Variants in SORCS1 observed in about 807,000 individuals in gnomAD.
The protein encoded by SORCS1 is VPS10 domain-containing receptor SorCS1.
Under a neutral mutation model 146.1 loss-of-function variants are expected in SORCS1, and 60 were observed. The observed-to-expected ratio is 0.41, with a 90% CI of 0.33 to 0.51. SORCS1 has a LOEUF of 0.51. SORCS1 is among the 20% of genes least tolerant of loss of function. The pLI, the probability that SORCS1 is intolerant of heterozygous loss-of-function variation, is 0.21. For synonymous variants in SORCS1, 637 were observed against 584.0 expected (o/e 1.09, Z -1.31); for missense variants, 1,352 against 1,487.6 (o/e 0.91, Z 1.50).
At chr10:106,893,980 A>G (rs1446635300) in intron 2 of SORCS1, among the ~76,000 whole-genome samples, 1 of 152,206 alleles carries the variant, frequency 6.6e-6, no homozygotes, top group African/African-American at 2.4e-5. Flanking sequence ...ACTTTCAACT[A>G]CTTACTACAG....
intron 1 of SORCS1, among the ~76,000 whole-genome samples, chr10:107,106,469 A>G (rs73385416): frequency 0.034 from 5,196 of 152,202 alleles, 318 homozygotes; most frequent in African/African-American, 0.12. Flanking sequence ...TTCTGCATTT[A>G]TTTATCTCCT....
At chr10:106,668,093 C>T (rs1461780888) in intron 16 of SORCS1, among the ~76,000 whole-genome samples, 1 of 152,144 alleles carries the variant, frequency 6.6e-6, no homozygotes. Flanking sequence ...TAGAACGATA[C>T]ACAATACAGG....
intron 1 of SORCS1, among the ~76,000 whole-genome samples, chr10:107,052,831 G>C (rs1960251953): frequency 6.6e-6 from 1 of 151,924 alleles, no homozygotes; most frequent in African/African-American, 2.4e-5. Context: ...TAGAACATTA[G>C]TGATAGAAAA....
At chr10:106,884,365 CTTTTGT>C (rs1950917996) in intron 2 of SORCS1, among the ~76,000 whole-genome samples, 1 of 152,108 alleles carries the variant, frequency 6.6e-6, no homozygotes, top group Non-Finnish European at 1.5e-5. Flanking sequence ...CAAAGATTGT[CTTTTGT>C]CTTATATTCT....
At chr10:106,800,031 A>G (rs1195500971) in intron 3 of SORCS1, among the ~76,000 whole-genome samples, 4 of 152,170 alleles carry the variant, frequency 2.6e-5, no homozygotes, top group Non-Finnish European at 5.9e-5. Flanking sequence ...ATTTGGTTAT[A>G]GAGATCAAGC....
intron 2 of SORCS1, among the ~76,000 whole-genome samples, chr10:106,855,728 T>G (rs1423044244): frequency 6.6e-6 from 1 of 152,218 alleles, no homozygotes; most frequent in Non-Finnish European, 1.5e-5. Flanking sequence ...TCTTGATCTT[T>G]TCTTAGAATT....
At chr10:106,850,067 G>C (rs933427439) in intron 2 of SORCS1, among the ~76,000 whole-genome samples, 15 of 152,108 alleles carry the variant, frequency 9.9e-5, no homozygotes, top group African/African-American at 3.6e-4. Context: ...CCCAGAGGTG[G>C]AGTGTACAGA....
intron 1 of SORCS1, among the ~76,000 whole-genome samples, chr10:106,966,283 C>T (rs1053569683): frequency 6.6e-5 from 10 of 152,138 alleles, no homozygotes; most frequent in Non-Finnish European, 1.3e-4. Flanking sequence ...ACACCACACA[C>T]ACTCACACAC....
At chr10:106,976,500 T>G (rs1956028165) in intron 1 of SORCS1, among the ~76,000 whole-genome samples, 1 of 151,744 alleles carries the variant, frequency 6.6e-6, no homozygotes, top group African/African-American at 2.4e-5. Flanking sequence ...CCCGGCTAAT[T>G]TTTTGTATTT....
At position 106,677,413 on chromosome 10, in the gene SORCS1, G is replaced by T. The variant is rs1460031922; in HGVS notation, c.1741-9C>A. On this transcript the variant is annotated splice_polypyrimidine_tract_variant and intron_variant, in intron 12 of 25. Coordinates refer to ENST00000263054, the MANE Select transcript of SORCS1 (RefSeq NM_052918.5). ...TGCTCTTCTTCAAAGATCTGGATGA[G>T]GAAAACACATACATGGACACACATC... The T allele has an allele frequency of 6.2e-7, 1 of 1,612,500 alleles. No individual in the cohort carries two copies. Among genetic ancestry groups the T allele is most frequent in the African/African-American group, 1.3e-5 (1 of 74,864 alleles).
chr10:106,987,992 GT>G (rs1956561140), intron 1 of SORCS1, among the ~76,000 whole-genome samples: 1 of 152,104 alleles, frequency 6.6e-6, no homozygotes, highest in South Asian at 2.1e-4. Flanking sequence ...TACTGACCCT[GT>G]TATAGTAAAG....
At chr10:106,878,075 A>T (rs1950660217) in intron 2 of SORCS1, among the ~76,000 whole-genome samples, 1 of 152,060 alleles carries the variant, frequency 6.6e-6, no homozygotes, top group African/African-American at 2.4e-5. Context: ...TCCCCATGGT[A>T]TAAATGGCCA....
At chr10:106,646,179 C>T (rs985085597) in intron 18 of SORCS1, among the ~76,000 whole-genome samples, 6 of 151,882 alleles carry the variant, frequency 4.0e-5, no homozygotes, top group East Asian at 1.9e-4. Flanking sequence ...GCAGGAGAAT[C>T]GCTTAAACCT....
At chr10:106,706,744 T>A in intron 7 of SORCS1, 110 bp from the exon 8 acceptor site, 1 of 926,106 alleles carries the variant, frequency 1.1e-6, no homozygotes, top group Non-Finnish European at 1.7e-6. Context: ...CAAATGGCAT[T>A]AATGTCTATT....
chr10:107,132,302 C>T (rs1565085792), intron 1 of SORCS1, among the ~76,000 whole-genome samples: 4 of 152,166 alleles, frequency 2.6e-5, no homozygotes, highest in Admixed American at 2.6e-4. Context: ...CCTATCCAAA[C>T]CCACCTATTC....
chr10:106,705,842 A>G (rs1022313999), intron 8 of SORCS1, among the ~76,000 whole-genome samples: 2 of 152,166 alleles, frequency 1.3e-5, no homozygotes, highest in African/African-American at 2.4e-5. Context: ...AGGGTCTTTA[A>G]CTTTTGTTTG....
chr10:106,728,623 A>G (rs1001386332), intron 6 of SORCS1, among the ~76,000 whole-genome samples: 2 of 152,210 alleles, frequency 1.3e-5, no homozygotes, highest in Non-Finnish European at 2.9e-5. Context: ...CATGCATAGT[A>G]ATGAAAAATG....
intron 2 of SORCS1, among the ~76,000 whole-genome samples, chr10:106,875,608 T>C (rs941262022): frequency 1.3e-5 from 2 of 152,174 alleles, no homozygotes; most frequent in Non-Finnish European, 2.9e-5. Flanking sequence ...CCTTTCACCA[T>C]ATTCATACTA....
chr10:106,808,572 G>A (rs1360663433), intron 3 of SORCS1, among the ~76,000 whole-genome samples: 3 of 151,830 alleles, frequency 2.0e-5, no homozygotes, highest in Admixed American at 6.6e-5. Flanking sequence ...GCGTGATCTC[G>A]GCTCACTGCA....
Sources: gnomAD v4.1 joint callset for allele counts (sites outside exome capture counted in the v4.1 genomes callset) on GRCh38, gnomAD v4.1.1 for gene constraint, MANE v1.5 for transcripts, NCBI Gene and HGNC (gene_info 2026-07-23, HGNC 2026-07-21) for gene names.